SLC12A8: variants seen among roughly 807,000 people sequenced by gnomAD.
SLC12A8 encodes the protein cation-chloride cotransporter 9.
Under a neutral mutation model 75.6 loss-of-function variants are expected in SLC12A8, and 69 were observed. The observed-to-expected ratio is 0.91, with a 90% CI of 0.75 to 1.11. The LOEUF is 1.11. Ranked by LOEUF, SLC12A8 falls within the 50% of genes most tolerant of loss-of-function variation. SLC12A8 has a pLI of 0.00. For synonymous variants in SLC12A8, 365 were observed against 372.8 expected, an observed-to-expected ratio of 0.98 and a Z score of 0.24; for missense variants, 877 against 896.7, an observed-to-expected ratio of 0.98 and a Z score of 0.28.
intron 5 of SLC12A8, among the ~76,000 whole-genome samples, chr3:125,163,403 C>G (rs945814823): frequency 6.6e-6 from 1 of 151,670 alleles, no homozygotes; most frequent in Non-Finnish European, 1.5e-5. Flanking sequence ...GTCGGGAGAT[C>G]GAGACCATCC....
chr3:125,202,564 A>G (rs955015283), intron 2 of SLC12A8, among the ~76,000 whole-genome samples: 11 of 152,154 alleles, frequency 7.2e-5, no homozygotes, highest in Admixed American at 7.2e-4. Flanking sequence ...ATTTACCTTA[A>G]GGCAGTAAGA....
chr3:125,171,004 G>A (rs1363616899), intron 5 of SLC12A8, among the ~76,000 whole-genome samples: 1 of 152,130 alleles, frequency 6.6e-6, no homozygotes, highest in Admixed American at 6.5e-5. Flanking sequence ...ATGGAGTGAA[G>A]GGAAGAAACT....
At chr3:125,149,806 T>C (rs1211770591) in intron 5 of SLC12A8, among the ~76,000 whole-genome samples, 1 of 151,686 alleles carries the variant, frequency 6.6e-6, no homozygotes. Context: ...GAGAAAAGCA[T>C]AAAGGAAGAA....
intron 5 of SLC12A8, 96 bp from the exon 6 acceptor site, chr3:125,135,878 A>C: frequency 1.5e-6 from 1 of 680,826 alleles, no homozygotes; most frequent in Non-Finnish European, 2.4e-6. Flanking sequence ...CGCTTTAAAT[A>C]TTGGAAAGGT....
At chr3:125,142,728 G>A (rs192392894) in intron 5 of SLC12A8, among the ~76,000 whole-genome samples, 1 of 152,344 alleles carries the variant, frequency 6.6e-6, no homozygotes, top group East Asian at 1.9e-4. Context: ...GAGATGCCAC[G>A]CTCCTGCCTG....
At chr3:125,153,739 A>G (rs1269374567) in intron 5 of SLC12A8, among the ~76,000 whole-genome samples, 3 of 152,062 alleles carry the variant, frequency 2.0e-5, no homozygotes, top group African/African-American at 4.8e-5. Context: ...CCCAGGTTCA[A>G]GCGATTCTCC....
At chr3:125,165,517 G>C (rs1934266414) in intron 5 of SLC12A8, among the ~76,000 whole-genome samples, 1 of 152,204 alleles carries the variant, frequency 6.6e-6, no homozygotes, top group African/African-American at 2.4e-5. Flanking sequence ...CTGCTGGGAG[G>C]ACGATTCTAC....
intron 6 of SLC12A8, among the ~76,000 whole-genome samples, chr3:125,126,868 G>A (rs868721086): frequency 2.0e-5 from 3 of 150,226 alleles, no homozygotes; most frequent in Non-Finnish European, 2.9e-5. Context: ...ATGCACTAAC[G>A]TGCCCAAGTC....
intron 9 of SLC12A8, 82 bp from the exon 10 acceptor site, chr3:125,108,208 C>T: frequency 2.9e-6 from 4 of 1,394,098 alleles, no homozygotes; most frequent in Non-Finnish European, 3.9e-6. Context: ...AGGCTAGAAA[C>T]ACAACTCATA....
intron 10 of SLC12A8, among the ~76,000 whole-genome samples, chr3:125,102,438 G>T (rs548759879): frequency 6.6e-6 from 1 of 152,172 alleles, no homozygotes; most frequent in South Asian, 2.1e-4. Flanking sequence ...GACTTTACAC[G>T]GAAGGGGTTA....
At chr3:125,114,978 TGGTGGATTTGTGG>T (rs1322275515) in intron 8 of SLC12A8, among the ~76,000 whole-genome samples, 2 of 152,256 alleles carry the variant, frequency 1.3e-5, no homozygotes, top group African/African-American at 4.8e-5. Context: ...CTATTAAATA[TGGTGGATTTGTGG>T]GGAGAAAATG....
At chr3:125,129,939 C>T (rs535270310) in intron 6 of SLC12A8, among the ~76,000 whole-genome samples, 1 of 152,182 alleles carries the variant, frequency 6.6e-6, no homozygotes, top group African/African-American at 2.4e-5. Flanking sequence ...TAATCAGCTT[C>T]GTGACCTCTG....
At chr3:125,132,827 G>C (rs1933393338) in intron 6 of SLC12A8, among the ~76,000 whole-genome samples, 1 of 152,156 alleles carries the variant, frequency 6.6e-6, no homozygotes, top group African/African-American at 2.4e-5. Context: ...GAGGGCCTAG[G>C]AATAGCTTGA....
chr3:125,110,857 A>G (rs975718968), intron 8 of SLC12A8: 4 of 152,178 alleles, frequency 2.6e-5, no homozygotes, highest in African/African-American at 9.7e-5. Context: ...ATATATCAAA[A>G]TCTCCCCCTG....
chr3:125,087,570 T>C (rs1033742100), intron 13 of SLC12A8, among the ~76,000 whole-genome samples: 5 of 152,064 alleles, frequency 3.3e-5, no homozygotes, highest in Non-Finnish European at 7.4e-5. Flanking sequence ...TGCAACCAAA[T>C]GAACACTCGG....
intron 6 of SLC12A8, among the ~76,000 whole-genome samples, chr3:125,135,184 CA>C (rs1000733330): frequency 6.6e-6 from 1 of 152,174 alleles, no homozygotes; most frequent in African/African-American, 2.4e-5. Context: ...AGCAAGAAAA[CA>C]AAAGACAATA....
At chr3:125,115,873 C>T (rs4679362) in intron 8 of SLC12A8, among the ~76,000 whole-genome samples, 21,689 of 152,092 alleles carry the variant, frequency 0.14, 1,905 homozygotes, top group Middle Eastern at 0.29. Context: ...CTCAGAGATG[C>T]GCCGGCTCAG....
At chr3:125,181,280 G>A (rs1934651825) in intron 4 of SLC12A8, among the ~76,000 whole-genome samples, 1 of 152,180 alleles carries the variant, frequency 6.6e-6, no homozygotes, top group Non-Finnish European at 1.5e-5. Context: ...AGAGAAAAAT[G>A]TATAGTCTTA....
chr3:125,149,554 G>A (rs1397037527), intron 5 of SLC12A8, among the ~76,000 whole-genome samples: 1 of 152,150 alleles, frequency 6.6e-6, no homozygotes, highest in Non-Finnish European at 1.5e-5. Context: ...TTCTCATCTA[G>A]CCAGAGAAAT....
Sources: gnomAD v4.1 joint callset for allele counts (sites outside exome capture counted in the v4.1 genomes callset) on GRCh38, gnomAD v4.1.1 for gene constraint, MANE v1.5 for transcripts, NCBI Gene and HGNC (gene_info 2026-07-23, HGNC 2026-07-21) for gene names.